Variants in RIN3 observed in about 807,000 individuals in gnomAD.
RIN3 encodes RAB5 interacting protein 3.
RIN3 carries 54 observed loss-of-function variants against 76.3 expected under a neutral mutation model. The ratio of observed to expected loss-of-function variants is 0.71; its 90% CI spans 0.57 to 0.89. The LOEUF (loss-of-function observed/expected upper bound fraction) is 0.89, where lower values mean the gene tolerates loss of function less well. Among genes scored for constraint, RIN3 ranks in the 40% least tolerant of loss-of-function variants. RIN3 has a pLI of 0.00. For synonymous variants in RIN3, 576 were observed against 564.0 expected, an observed-to-expected ratio of 1.02 and a Z score of -0.30; for missense variants, 1,256 against 1,322.1, an observed-to-expected ratio of 0.95 and a Z score of 0.78.
At chr14:92,553,013 T>G (rs1897474579) in intron 1 of RIN3, among the ~76,000 whole-genome samples, 1 of 138,032 alleles carries the variant, frequency 7.2e-6, no homozygotes, top group Non-Finnish European at 1.5e-5. Context: ...GATCGCAGCT[T>G]TGGTTCTGCA....
At chr14:92,677,951 C>A (rs1304637575) in intron 8 of RIN3, among the ~76,000 whole-genome samples, 1 of 151,656 alleles carries the variant, frequency 6.6e-6, no homozygotes, top group Non-Finnish European at 1.5e-5. Context: ...ATCCAACCAC[C>A]TACCCACCCA....
Position 92,513,874 on chromosome 14 carries a change from C to T in RIN3, c.-59C>T. ...GGACATGCGGGCGCCCGGGACTCCGCGTTCCGCGCGGCCCGGCGCCTGAGC... is the reference window on the plus strand; with the variant it reads ...GGACATGCGGGCGCCCGGGACTCCGTGTTCCGCGCGGCCCGGCGCCTGAGC... On this transcript the variant is annotated 5_prime_UTR_variant, in exon 1 of 10. Transcript: ENST00000216487. 2 of 1,220,560 alleles carry T rather than the reference C, an allele frequency of 1.6e-6. No homozygotes were observed. The highest frequency in any genetic ancestry group is 2.1e-6 in the Non-Finnish European group (2 of 972,082). 75.6% of individuals were successfully genotyped at this position (1,220,560 alleles called of 1,614,324 possible).
chr14:92,624,710 A>T (rs1886291163), intron 4 of RIN3, among the ~76,000 whole-genome samples: 1 of 152,218 alleles, frequency 6.6e-6, no homozygotes, highest in South Asian at 2.1e-4. Flanking sequence ...TGATCTAGTT[A>T]CGTTAATAAT....
intron 1 of RIN3, among the ~76,000 whole-genome samples, chr14:92,524,000 C>T (rs1896662305): frequency 1.3e-5 from 2 of 152,130 alleles, no homozygotes; most frequent in Admixed American, 1.3e-4. Flanking sequence ...CAAGACCAGA[C>T]TGGGCAACAC....
At chr14:92,659,944 A>G (rs182841313) in intron 7 of RIN3, among the ~76,000 whole-genome samples, 2 of 152,094 alleles carry the variant, frequency 1.3e-5, no homozygotes, top group African/African-American at 4.8e-5. Context: ...CAGAACTCTG[A>G]TCTTCACATG....
intron 6 of RIN3, among the ~76,000 whole-genome samples, chr14:92,654,144 T>C (rs1713268173): frequency 6.6e-6 from 1 of 151,974 alleles, no homozygotes; most frequent in Admixed American, 6.6e-5. Context: ...TGAAACCCCA[T>C]CTCTACTAAA....
chr14:92,582,821 C>A (rs1365673826), intron 3 of RIN3, among the ~76,000 whole-genome samples: 1 of 152,152 alleles, frequency 6.6e-6, no homozygotes, highest in African/African-American at 2.4e-5. Context: ...CTAGCATGCA[C>A]CCAGACAACA....
intron 4 of RIN3, among the ~76,000 whole-genome samples, chr14:92,637,783 G>A (rs1048749587): frequency 2.0e-5 from 3 of 152,188 alleles, no homozygotes; most frequent in Non-Finnish European, 4.4e-5. Context: ...TAAAAAAAAT[G>A]TAGTAAGTGG....
chr14:92,664,754 C>T (rs918789646), intron 7 of RIN3, among the ~76,000 whole-genome samples: 7 of 152,170 alleles, frequency 4.6e-5, no homozygotes, highest in African/African-American at 1.7e-4. Flanking sequence ...GTGTCCTTTA[C>T]CCCAAACGCT....
chr14:92,532,167 G>T (rs1390461614), intron 1 of RIN3, among the ~76,000 whole-genome samples: 1 of 152,128 alleles, frequency 6.6e-6, no homozygotes, highest in South Asian at 2.1e-4. Context: ...GACCTCAAGT[G>T]GTCCACCTGC....
chr14:92,515,484 T>C, intron 1 of RIN3: 1 of 488,850 alleles, frequency 2.0e-6, no homozygotes, highest in Non-Finnish European at 3.6e-6. Context: ...CTCAGTTCAC[T>C]TATCAATAAA....
At chr14:92,588,455 A>G (rs1013944115) in intron 3 of RIN3, among the ~76,000 whole-genome samples, 1 of 151,206 alleles carries the variant, frequency 6.6e-6, no homozygotes, top group African/African-American at 2.4e-5. Flanking sequence ...TGAATTCCCA[A>G]CCTCAGGTGA....
At position 92,688,925 on chromosome 14, in the gene RIN3, C is replaced by T. The variant is rs538997812; in HGVS notation, c.*673C>T. 6.6e-6 allele frequency: 1 copy of T among 152,598 alleles called. No homozygotes were observed. The highest frequency in any genetic ancestry group is 2.1e-4 in the South Asian group (1 of 4,838). The allele number at this position is 152,598 out of a possible 1,614,324, so 9.5% of individuals were successfully genotyped here. ...ACAGGGCCTTTCCCTACAGGACACG[C>T]CCCAGAGCTGTGGCAGATTGCAGGA... On this transcript the variant is annotated 3_prime_UTR_variant, in exon 10 of 10. Transcript: ENST00000216487.
In RIN3 at chr14:92,514,039, C is replaced by T; in HGVS notation, c.44+63C>T. On this transcript the variant is annotated intron_variant, in intron 1 of 9. Coordinates refer to ENST00000216487, the MANE Select transcript of RIN3 (RefSeq NM_024832.5). The surrounding 1 kb of genome is among the most constrained non-coding windows in gnomAD (Gnocchi z 7.2). ...CCCACGGCCCGCGTCCTGGCCGCCCCACTCCACTTCTTGTCCCAGAGAGTC... is the reference window on the plus strand; with the variant it reads ...CCCACGGCCCGCGTCCTGGCCGCCCTACTCCACTTCTTGTCCCAGAGAGTC... The T allele has an allele frequency of 9.2e-7, 1 of 1,087,388 alleles. No homozygotes were observed. Among genetic ancestry groups the T allele is most frequent in the Non-Finnish European group, 1.2e-6 (1 of 854,270 alleles). 67.4% of individuals were successfully genotyped at this position (1,087,388 alleles called of 1,614,324 possible).
At chr14:92,667,574 G>A (rs1311283815) in intron 7 of RIN3, among the ~76,000 whole-genome samples, 1 of 151,964 alleles carries the variant, frequency 6.6e-6, no homozygotes, top group Non-Finnish European at 1.5e-5. Flanking sequence ...GTTTATTGTT[G>A]CAAATTGATC....
chr14:92,516,276 T>G (rs1410380136), intron 1 of RIN3, among the ~76,000 whole-genome samples: 2 of 152,084 alleles, frequency 1.3e-5, no homozygotes, highest in African/African-American at 4.8e-5. Context: ...TCCCTGGTAT[T>G]GGGGGAGGTG....
intron 7 of RIN3, among the ~76,000 whole-genome samples, chr14:92,662,059 G>A (rs544094073): frequency 1.3e-5 from 2 of 152,352 alleles, no homozygotes; most frequent in African/African-American, 2.4e-5. Context: ...AGCTCTTGGC[G>A]AGTTTGACCT....
intron 3 of RIN3, among the ~76,000 whole-genome samples, chr14:92,584,186 C>A (rs1045069651): frequency 3.3e-5 from 5 of 152,194 alleles, no homozygotes; most frequent in Non-Finnish European, 7.3e-5. Flanking sequence ...CAACCCCCCA[C>A]AGATACCAAG....
At chr14:92,523,833 A>G (rs565933048) in intron 1 of RIN3, among the ~76,000 whole-genome samples, 5 of 152,170 alleles carry the variant, frequency 3.3e-5, no homozygotes, top group Non-Finnish European at 7.4e-5. Flanking sequence ...CGCCTAGGTT[A>G]ACCCTCCCCA....
Sources: allele counts gnomAD v4.1 joint callset (sites outside exome capture counted in the v4.1 genomes callset), GRCh38; gene constraint gnomAD v4.1.1; non-coding constraint Gnocchi (gnomAD v3.1); transcripts MANE v1.5; gene names NCBI Gene and HGNC (gene_info 2026-07-23, HGNC 2026-07-21).